Variants in SHC2 observed in about 807,000 individuals in gnomAD.
SHC2 encodes the protein SHC-transforming protein 2.
Under a neutral mutation model 60.6 loss-of-function variants are expected in SHC2, and 62 were observed. The ratio of observed to expected loss-of-function variants is 1.02; its 90% CI spans 0.83 to 1.26. SHC2 has a LOEUF of 1.26. SHC2 is among the 50% of genes most tolerant of loss of function. SHC2 has a pLI of 0.00. For synonymous variants in SHC2, 375 were observed against 372.4 expected (o/e 1.01, Z -0.08); for missense variants, 873 against 822.2 (o/e 1.06, Z -0.76).
At chr19:457,063 G>T (rs868388664) in intron 1 of SHC2, among the ~76,000 whole-genome samples, 1 of 140,568 alleles carries the variant, frequency 7.1e-6, no homozygotes, top group Admixed American at 7.0e-5. Context: ...GCTGTGCCCC[G>T]CCTAGAACTC....
intron 9 of SHC2, among the ~76,000 whole-genome samples, chr19:426,029 C>CA (rs1317631897): frequency 0.025 from 1,983 of 79,158 alleles, 28 homozygotes; most frequent in Admixed American, 0.047. Context: ...ACTCAGTCTC[C>CA]AAAAAAAAAA....
At position 425,117 on chromosome 19, in the gene SHC2, T is replaced by C. The variant is rs777855665; in HGVS notation, c.1289A>G (p.Lys430Arg). ...CATACGCATGTCAAACAGATCCTTT[T>C]TGGGGCTGTCCTCCGGCTCGGGGGC... ...LDAPEPEDSP[K>R]KDLFDMRPFE... Residue 430 changes from lysine to arginine, a missense_variant, in exon 10 of 13, where the codon AAA becomes AGA. Lys to Arg is a conservative substitution (Grantham distance 26). Transcript: ENST00000264554. This position sits in a 1 kb window ranked among gnomAD's most constrained non-coding sequence, Gnocchi z 4.1. The C allele has an allele frequency of 2.1e-6, 3 of 1,406,594 alleles. No individual in the cohort carries two copies. Among genetic ancestry groups the C allele is most frequent in the Middle Eastern group, 1.9e-4 (1 of 5,222 alleles). 87.1% of individuals were successfully genotyped at this position (1,406,594 alleles called of 1,614,324 possible).
At chr19:439,334 T>A in intron 2 of SHC2, 1 of 467,680 alleles carries the variant, frequency 2.1e-6, no homozygotes. Flanking sequence ...CTCTGGCCCC[T>A]CTACCACCCT....
intron 12 of SHC2, among the ~76,000 whole-genome samples, chr19:418,508 G>A (rs957372710): frequency 6.6e-5 from 10 of 152,242 alleles, no homozygotes; most frequent in Admixed American, 2.6e-4. Context: ...CTCACACAGC[G>A]GGACATTATC....
Position 425,238 on chromosome 19 carries a change from A to G in SHC2, c.1175-7T>C, listed in dbSNP as rs1156801908. 7.6e-7 allele frequency: 1 copy of G among 1,324,026 alleles called. No individual in the cohort carries two copies. Among genetic ancestry groups the G allele is most frequent in the East Asian group, 2.8e-5 (1 of 35,684 alleles). The allele number at this position is 1,324,026 out of a possible 1,614,324, so 82.0% of individuals were successfully genotyped here. A position where few individuals can be genotyped will look rare whatever the true frequency, so the allele number is the denominator to read the frequency against. On this transcript the variant is annotated splice_region_variant and splice_polypyrimidine_tract_variant and intron_variant, in intron 9 of 12. Coordinates refer to ENST00000264554, the MANE Select transcript of SHC2 (RefSeq NM_012435.3). This position sits in a 1 kb window ranked among gnomAD's most constrained non-coding sequence, Gnocchi z 4.1. ...TAGCCGTCCCCCGGTGGAGCTGGGG[A>G]GTGTAAAGAGGGGCAGGGGGTCAGC...
intron 11 of SHC2, among the ~76,000 whole-genome samples, chr19:420,064 C>A (rs1470355161): frequency 6.6e-6 from 1 of 152,212 alleles, no homozygotes; most frequent in Non-Finnish European, 1.5e-5. Flanking sequence ...TGGGAATCTG[C>A]CTTTTAACAA....
At position 438,474 on chromosome 19, in the gene SHC2, G is replaced by A. The variant is rs1202191753; in HGVS notation, c.720+244C>T. Among the ~76,000 whole-genome samples the A allele has an allele frequency of 6.6e-6, 1 of 152,176 alleles. No individual in the cohort carries two copies. The highest frequency in any genetic ancestry group is 1.5e-5 in the Non-Finnish European group (1 of 68,010). Reference sequence around the variant, plus strand: ...CTGCAGGGTGCTGAGCAGCGTCCCTGCCCCCACCCACTCCATGCCAGGAGC... The same window carrying A: ...CTGCAGGGTGCTGAGCAGCGTCCCTACCCCCACCCACTCCATGCCAGGAGC... On this transcript the variant is annotated intron_variant, in intron 4 of 12. Coordinates refer to ENST00000264554, the MANE Select transcript of SHC2 (RefSeq NM_012435.3). This position sits in a 1 kb window ranked among gnomAD's most constrained non-coding sequence, Gnocchi z 5.0.
At position 422,011 on chromosome 19, in the gene SHC2, G is replaced by A; in HGVS notation, c.1620+135C>T. 1 of 908,378 alleles carries A rather than the reference G, an allele frequency of 1.1e-6. No homozygotes were observed. The allele number at this position is 908,378 out of a possible 1,614,324, so 56.3% of individuals were successfully genotyped here. On this transcript the variant is annotated intron_variant, in intron 11 of 12. Coordinates refer to ENST00000264554, the MANE Select transcript of SHC2 (RefSeq NM_012435.3). This position sits in a 1 kb window ranked among gnomAD's most constrained non-coding sequence, Gnocchi z 5.0. ...TCATAAACATGGAAAGCTCCTGCATGCCCCGAGACCCTCGAGACCCTTGAG... is the reference window on the plus strand; with the variant it reads ...TCATAAACATGGAAAGCTCCTGCATACCCCGAGACCCTCGAGACCCTTGAG...
chr19:436,599 G>A (rs749764623), intron 5 of SHC2, 31 bp downstream of exon 5: 3 of 1,597,830 alleles, frequency 1.9e-6, no homozygotes, highest in Non-Finnish European at 2.6e-6. Flanking sequence ...GGGCGGCAGG[G>A]CTGCAGGTCC....
At chr19:444,498 G>A (rs1031750113) in intron 1 of SHC2, among the ~76,000 whole-genome samples, 6 of 152,144 alleles carry the variant, frequency 3.9e-5, no homozygotes, top group East Asian at 3.9e-4. Context: ...CATGGGTCCC[G>A]TTGTGGGGAC....
chr19:420,715 T>G (rs1600269771), intron 11 of SHC2, among the ~76,000 whole-genome samples: 2 of 152,300 alleles, frequency 1.3e-5, no homozygotes, highest in Middle Eastern at 3.4e-3. Flanking sequence ...ATCCAGACTC[T>G]AGAGATATCA....
rs573933525 is a variant in SHC2 at position 440,484 on chromosome 19, C to T, written c.539+378G>A. ...ATCCACAGCCCCTGTGATTGCTTTCCAGACACCGCATAGCATCCTGAGGTC... is the reference window on the plus strand; with the variant it reads ...ATCCACAGCCCCTGTGATTGCTTTCTAGACACCGCATAGCATCCTGAGGTC... On this transcript the variant is annotated intron_variant, in intron 2 of 12. Coordinates refer to ENST00000264554, the MANE Select transcript of SHC2 (RefSeq NM_012435.3). The surrounding 1 kb of genome is among the most constrained non-coding windows in gnomAD (Gnocchi z 7.0). Among the ~76,000 whole-genome samples the T allele has an allele frequency of 1.3e-5, 2 of 152,294 alleles. No individual in the cohort carries two copies. The highest frequency in any genetic ancestry group is 2.4e-5 in the African/African-American group (1 of 41,550).
At position 438,147 on chromosome 19, in the gene SHC2, C is replaced by T. The variant is rs1284947071; in HGVS notation, c.720+571G>A. Among the ~76,000 whole-genome samples the T allele has an allele frequency of 6.6e-6, 1 of 152,212 alleles. No individual in the cohort carries two copies. ...TACAGGCGCCCACCACCACACCCGG[C>T]TAATCTTTGTATTTTTTGTAGAGTC... On this transcript the variant is annotated intron_variant, in intron 4 of 12. Transcript: ENST00000264554. This position sits in a 1 kb window ranked among gnomAD's most constrained non-coding sequence, Gnocchi z 5.0.
Position 434,822 on chromosome 19 carries a change from A to C in SHC2, c.997T>G (p.Ser333Ala). The C allele has an allele frequency of 4.3e-6, 7 of 1,612,666 alleles. No individual in the cohort carries two copies. The highest frequency in any genetic ancestry group is 5.1e-6 in the Non-Finnish European group (6 of 1,179,788). ...EESAWGDEED[S>A]LEHNYYNSIP... ...CTGTTGTAGTAATTGTGCTCCAAAG[A>C]GTCCTCCTCGTCCCCCCAGGCCGAC... Residue 333 changes from serine (S) to alanine (A), a missense_variant, in exon 8 of 13, where the codon TCT becomes GCT. By Grantham distance (99) the Ser-to-Ala change is moderately conservative. Coordinates refer to ENST00000264554, the MANE Select transcript of SHC2 (RefSeq NM_012435.3).
At chr19:457,311 C>T (rs892145877) in intron 1 of SHC2, among the ~76,000 whole-genome samples, 7 of 139,606 alleles carry the variant, frequency 5.0e-5, no homozygotes, top group African/African-American at 1.7e-4. Context: ...ACCTGCTGTA[C>T]CCCCCCTAGA....
chr19:456,516 C>A (rs77523832), intron 1 of SHC2, among the ~76,000 whole-genome samples: 5 of 152,170 alleles, frequency 3.3e-5, no homozygotes, highest in Non-Finnish European at 5.9e-5. Context: ...CACTTCCACA[C>A]GGCCCCTGGA....
At chr19:457,967 G>A (rs1033422873) in intron 1 of SHC2, among the ~76,000 whole-genome samples, 1 of 138,750 alleles carries the variant, frequency 7.2e-6, no homozygotes, top group Non-Finnish European at 1.5e-5. Context: ...GGAGGCGGAA[G>A]CGGGTCCTGG....
At position 440,870 on chromosome 19, in the gene SHC2, C is replaced by G; in HGVS notation, c.531G>C (p.Gln177His). 6.2e-7 allele frequency: 1 copy of G among 1,612,716 alleles called. No individual in the cohort carries two copies. The highest frequency in any genetic ancestry group is 8.5e-7 in the Non-Finnish European group (1 of 1,179,724). Residue 177 changes from glutamine (Q) to histidine (H), a missense_variant, in exon 2 of 13, where the codon CAG becomes CAC. Coordinates refer to ENST00000264554, the MANE Select transcript of SHC2 (RefSeq NM_012435.3). The surrounding 1 kb of genome is among the most constrained non-coding windows in gnomAD (Gnocchi z 7.0). Reference protein sequence around the residue: ...MRSLDFNTRTQVTREAINRLH... With the variant: ...MRSLDFNTRTHVTREAINRLH... ...CAGGGTTGGAGGCTCACCTGGTCAC[C>G]TGCGTGCGCGTGTTAAAGTCCAGGG...
chr19:417,346 G>A (rs980852741), intron 12 of SHC2, 24 bp from the exon 13 acceptor site: 3 of 152,588 alleles, frequency 2.0e-5, no homozygotes, highest in Non-Finnish European at 4.4e-5. Context: ...GAGAAGGCGA[G>A]GTCAGGGCTG....
Sources: gnomAD v4.1 joint callset for allele counts (sites outside exome capture counted in the v4.1 genomes callset) on GRCh38, gnomAD v4.1.1 for gene constraint, Gnocchi (gnomAD v3.1) non-coding constraint, MANE v1.5 for transcripts, NCBI Gene and HGNC (gene_info 2026-07-23, HGNC 2026-07-21) for gene names.